The following RANBP2 variants were observed in gnomAD, a reference collection of about 807,000 sequenced individuals.
RANBP2 encodes the protein RAN binding protein 2.
A neutral mutation model predicts 303.6 loss-of-function variants in RANBP2; 57 were observed. The observed-to-expected ratio is 0.19, with a 90% CI of 0.15 to 0.23. The LOEUF is 0.23. Ranked by LOEUF, RANBP2 falls within the 10% of genes least tolerant of loss-of-function variation. The probability of loss-of-function intolerance (pLI) is 1.00; values close to 1 mark genes in which losing one functional copy is unlikely to be tolerated. For missense variants in RANBP2, 3,138 were observed against 3,780.8 expected (o/e 0.83, Z 4.46); for synonymous variants, 1,167 against 1,301.5 (o/e 0.90, Z 2.23).
chr2:108,884,956 C>T, the RANBP2 span: 2 of 152,204 alleles, frequency 1.3e-5, no homozygotes, highest in African/African-American at 2.4e-5. Context: ...ATTTCCCTGT[C>T]TGTAGAATGA....
the RANBP2 span, among the ~76,000 whole-genome samples, chr2:109,455,888 G>A: frequency 6.6e-6 from 1 of 152,222 alleles, no homozygotes; most frequent in African/African-American, 2.4e-5. Context: ...GTGGGGAGGG[G>A]CCTGCTGTCA....
chr2:109,357,216 C>CT, the RANBP2 span, among the ~76,000 whole-genome samples: 1 of 151,544 alleles, frequency 6.6e-6, no homozygotes, highest in Admixed American at 6.6e-5. Flanking sequence ...GAGTCTTACT[C>CT]TGTCGCCCAG....
At chr2:109,614,657 C>A in the RANBP2 span, 4 of 1,477,870 alleles carry the variant, frequency 2.7e-6, no homozygotes, top group East Asian at 3.0e-5. Flanking sequence ...GCGCGCACTT[C>A]AAGGAGCTGG....
chr2:109,295,737 T>C, the RANBP2 span, among the ~76,000 whole-genome samples: 51,312 of 151,756 alleles, frequency 0.34, 8,921 homozygotes, highest in South Asian at 0.41. Flanking sequence ...CCTGGGGAGG[T>C]TCACCTGAAT....
At chr2:109,380,501 G>A in the RANBP2 span, among the ~76,000 whole-genome samples, 15 of 152,184 alleles carry the variant, frequency 9.9e-5, no homozygotes, top group African/African-American at 3.6e-4. Context: ...CTCTAAATGG[G>A]TCTAAGCTGG....
chr2:109,341,323 A>G, the RANBP2 span, among the ~76,000 whole-genome samples: 1 of 152,222 alleles, frequency 6.6e-6, no homozygotes, highest in Non-Finnish European at 1.5e-5. Context: ...TATAAAGTGG[A>G]AGATGGGATA....
chr2:109,295,213 G>T, the RANBP2 span, among the ~76,000 whole-genome samples: 1 of 152,210 alleles, frequency 6.6e-6, no homozygotes, highest in South Asian at 2.1e-4. Context: ...CTCATGGCAG[G>T]CATGCAGGCA....
the RANBP2 span, among the ~76,000 whole-genome samples, chr2:109,152,781 C>T: frequency 1.3e-5 from 2 of 152,278 alleles, no homozygotes; most frequent in Admixed American, 6.5e-5. Flanking sequence ...CTCCCAGGCC[C>T]GATGGCCTGA....
chr2:109,207,702 A>G, the RANBP2 span, among the ~76,000 whole-genome samples: 3 of 152,216 alleles, frequency 2.0e-5, no homozygotes, highest in Non-Finnish European at 4.4e-5. Context: ...ATGGAAACAA[A>G]ACATTTGTAT....
intron 20 of RANBP2, chr2:108,769,440 AC>A: frequency 5.6e-6 from 5 of 887,586 alleles, no homozygotes; most frequent in Non-Finnish European, 6.7e-6. Flanking sequence ...TGAAGTACTT[AC>A]CACTACAACA....
At chr2:109,663,074 C>T in the RANBP2 span, among the ~76,000 whole-genome samples, 8 of 152,214 alleles carry the variant, frequency 5.3e-5, no homozygotes, top group South Asian at 2.1e-4. Context: ...GGCCTTGACT[C>T]CACCTAGTGT....
chr2:109,587,913 CA>C, the RANBP2 span, among the ~76,000 whole-genome samples: 44 of 134,852 alleles, frequency 3.3e-4, no homozygotes, highest in African/African-American at 4.8e-4. Context: ...ACTCCATCTC[CA>C]AAAAAAAAAA....
chr2:109,023,122 A>G, the RANBP2 span, among the ~76,000 whole-genome samples: 1 of 152,210 alleles, frequency 6.6e-6, no homozygotes, highest in Non-Finnish European at 1.5e-5. Flanking sequence ...GATAATATGT[A>G]CAGAATGCTT....
the RANBP2 span, among the ~76,000 whole-genome samples, chr2:109,606,672 C>CTTTTT: frequency 3.5e-3 from 254 of 71,906 alleles, 7 homozygotes; most frequent in African/African-American, 7.9e-3. Flanking sequence ...AAATTTTAAG[C>CTTTTT]TTTTTTTTTT....
chr2:109,085,802 A>G, the RANBP2 span, among the ~76,000 whole-genome samples: 1 of 150,940 alleles, frequency 6.6e-6, no homozygotes, highest in East Asian at 2.0e-4. Flanking sequence ...ACAGAGTTTC[A>G]CCATGTTGAC....
At chr2:109,374,796 A>G in the RANBP2 span, among the ~76,000 whole-genome samples, 2 of 152,182 alleles carry the variant, frequency 1.3e-5, no homozygotes, top group Non-Finnish European at 1.5e-5. Flanking sequence ...CAGCTGCCCT[A>G]TGGGGTTCAC....
At chr2:108,911,192 A>C in the RANBP2 span, 1 of 1,257,766 alleles carries the variant, frequency 8.0e-7, no homozygotes, top group Non-Finnish European at 1.1e-6. Context: ...GGGAACCCTG[A>C]AATCTGAGGT....
the RANBP2 span, among the ~76,000 whole-genome samples, chr2:109,368,954 T>C: frequency 2.0e-5 from 3 of 152,044 alleles, no homozygotes; most frequent in African/African-American, 4.8e-5. Context: ...GGTGGTGAGC[T>C]TGAGAGGCAA....
the RANBP2 span, among the ~76,000 whole-genome samples, chr2:109,078,799 G>T: frequency 6.7e-6 from 1 of 150,080 alleles, no homozygotes; most frequent in African/African-American, 2.5e-5. Flanking sequence ...TGGCTAACAT[G>T]GTGAAACCCC....
Sources: allele counts gnomAD v4.1 joint callset (sites outside exome capture counted in the v4.1 genomes callset), GRCh38; gene constraint gnomAD v4.1.1; transcripts MANE v1.5; gene names NCBI Gene and HGNC (gene_info 2026-07-23, HGNC 2026-07-21).